ADGRV1: variants seen among roughly 807,000 people sequenced by gnomAD.
ADGRV1 encodes the protein G-protein coupled receptor 98.
ADGRV1 carries 359 observed loss-of-function variants against 596.2 expected under a neutral mutation model. The ratio of observed to expected loss-of-function variants is 0.60; its 90% CI spans 0.55 to 0.66. The LOEUF (loss-of-function observed/expected upper bound fraction) is 0.66, where lower values mean the gene tolerates loss of function less well. Ranked by LOEUF, ADGRV1 falls within the 30% of genes least tolerant of loss-of-function variation. The pLI is 0.00. For missense variants in ADGRV1, 7,274 were observed against 7,575.6 expected, an observed-to-expected ratio of 0.96 and a Z score of 1.48; for synonymous variants, 2,681 against 2,679.2, an observed-to-expected ratio of 1.00 and a Z score of -0.02.
rs149538387 is a variant in ADGRV1 at position 90,936,343 on chromosome 5, ATATC to A, written c.17857-29064_17857-29061del. Among the ~76,000 whole-genome samples the A allele has an allele frequency of 5.8e-4, 88 of 152,256 alleles. 1 individual carries two copies. The East Asian group carries it at 6.7e-3, about 12-fold the overall frequency. On this transcript the variant is annotated intron_variant, in intron 83 of 89. Coordinates refer to ENST00000405460, the MANE Select transcript of ADGRV1 (RefSeq NM_032119.4). Reference sequence around the variant, plus strand: ...ACACATTCTAGCTGTATCTAAAAATATATCTATCTATTACTTTCAAATTTGTAAA... The same window carrying A: ...ACACATTCTAGCTGTATCTAAAAATATATCTATTACTTTCAAATTTGTAAA...
chr5:91,028,920 A>G (rs758890239), intron 85 of ADGRV1, among the ~76,000 whole-genome samples: 2 of 151,686 alleles, frequency 1.3e-5, no homozygotes, highest in Non-Finnish European at 2.9e-5. Flanking sequence ...TTTATTTTAC[A>G]TGGAGACAGA....
intron 83 of ADGRV1, among the ~76,000 whole-genome samples, chr5:90,874,068 G>T (rs1361861427): frequency 6.6e-6 from 1 of 151,950 alleles, no homozygotes; most frequent in Non-Finnish European, 1.5e-5. Flanking sequence ...AAACTTTTTG[G>T]TGTCTTCCTA....
chr5:90,670,210 T>C (rs1388471077), intron 21 of ADGRV1, among the ~76,000 whole-genome samples: 1 of 152,226 alleles, frequency 6.6e-6, no homozygotes, highest in African/African-American at 2.4e-5. Context: ...CTGTGACTGA[T>C]ACAGGAGGAA....
At chr5:90,878,858 G>A (rs977771378) in intron 83 of ADGRV1, among the ~76,000 whole-genome samples, 2 of 152,140 alleles carry the variant, frequency 1.3e-5, no homozygotes, top group African/African-American at 4.8e-5. Context: ...CCACTTACAG[G>A]TTACAATTTG....
chr5:90,565,166 G>A (rs79256827), intron 1 of ADGRV1, among the ~76,000 whole-genome samples: 3,066 of 152,188 alleles, frequency 0.02, 45 homozygotes, highest in Middle Eastern at 0.031. Context: ...GAACGCGGGA[G>A]ACAGAGGTTG....
chr5:91,067,050 G>C (rs1236141328), intron 85 of ADGRV1, among the ~76,000 whole-genome samples: 3 of 152,166 alleles, frequency 2.0e-5, no homozygotes, highest in Non-Finnish European at 4.4e-5. Flanking sequence ...AAAGGGGATG[G>C]CTTCAGGATT....
At chr5:90,692,862 T>A in intron 32 of ADGRV1, 76 bp downstream of exon 32, 1 of 1,124,790 alleles carries the variant, frequency 8.9e-7, no homozygotes, top group Non-Finnish European at 1.2e-6. Context: ...CTTGCACAGT[T>A]AAATCATTTA....
At chr5:91,030,428 T>C (rs1370060081) in intron 85 of ADGRV1, among the ~76,000 whole-genome samples, 3 of 152,116 alleles carry the variant, frequency 2.0e-5, no homozygotes, top group Non-Finnish European at 4.4e-5. Context: ...TGGAGTTCTT[T>C]GTGTGTAAAG....
rs761757312 is a variant in ADGRV1, at chr5:90,646,047, C to T, written c.2978C>T (p.Ala993Val). The T allele has an allele frequency of 6.2e-7, 1 of 1,602,128 alleles. No homozygotes were observed. Among genetic ancestry groups the T allele is most frequent in the Non-Finnish European group, 8.5e-7 (1 of 1,173,484 alleles). ...GCTAAAGTGGGAAATAGAACAACTG[C>T]AACTCTGAGGATTAGAAGAAATGAT... ...GGAKVGNRTT[A>V]TLRIRRNDDP... Residue 993 changes from alanine to valine, a missense_variant, in exon 16 of 90, where the codon GCA (alanine) becomes GTA (valine). Ala to Val is a moderately conservative substitution (Grantham distance 64). Transcript: ENST00000405460.
At chr5:90,915,422 A>G (rs2150711542) in intron 83 of ADGRV1, among the ~76,000 whole-genome samples, 2 of 152,294 alleles carry the variant, frequency 1.3e-5, no homozygotes, top group East Asian at 3.9e-4. Context: ...CTTTAGTATT[A>G]CTTATTAATC....
Position 91,053,840 on chromosome 5 carries a change from G to A in ADGRV1, c.18153-18607G>A, listed in dbSNP as rs370734911. ...ATACCAAACTCTGATCTCCAGCTCA[G>A]GAAGCATGTCTTATTCATCACTGTA... On this transcript the variant is annotated intron_variant, in intron 85 of 89. Transcript: ENST00000405460. Among the ~76,000 whole-genome samples the A allele has an allele frequency of 4.6e-5, 7 of 152,252 alleles. 2 individuals are homozygous for A. The South Asian group carries it at 1.5e-3, about 32-fold the overall frequency.
intron 83 of ADGRV1, among the ~76,000 whole-genome samples, chr5:90,879,474 T>C (rs1769546357): frequency 6.6e-6 from 1 of 152,210 alleles, no homozygotes; most frequent in Non-Finnish European, 1.5e-5. Flanking sequence ...TTTTTAACTT[T>C]TAAAATTTGT....
chr5:91,131,473 T>C (rs559336567), intron 87 of ADGRV1, among the ~76,000 whole-genome samples: 1 of 151,436 alleles, frequency 6.6e-6, no homozygotes, highest in East Asian at 1.9e-4. Context: ...TGTTTTGAGA[T>C]GGAGTCTCAC....
chr5:90,979,684 C>A (rs1013911312), intron 84 of ADGRV1, among the ~76,000 whole-genome samples: 2 of 152,072 alleles, frequency 1.3e-5, no homozygotes, highest in Non-Finnish European at 2.9e-5. Flanking sequence ...TACATCCATG[C>A]CATTAGTGTT....
At chr5:90,678,980 C>T (rs1180154327) in intron 25 of ADGRV1, among the ~76,000 whole-genome samples, 3 of 152,264 alleles carry the variant, frequency 2.0e-5, no homozygotes, top group Admixed American at 2.0e-4. Context: ...CAGCTGGCAT[C>T]TTTCACAACC....
intron 85 of ADGRV1, among the ~76,000 whole-genome samples, chr5:91,015,805 G>T (rs187212754): frequency 6.6e-6 from 1 of 151,808 alleles, no homozygotes; most frequent in Admixed American, 6.6e-5. Context: ...GTACAATTGG[G>T]GCTTGCTTTT....
At chr5:91,114,983 G>A (rs186259332) in intron 87 of ADGRV1, among the ~76,000 whole-genome samples, 5 of 152,202 alleles carry the variant, frequency 3.3e-5, no homozygotes, top group Admixed American at 6.5e-5. Context: ...CAGCTTCTAG[G>A]CATCTCACTG....
chr5:90,693,797 A>T (rs1448681722), intron 32 of ADGRV1, 93 bp from the exon 33 acceptor site: 3 of 948,004 alleles, frequency 3.2e-6, no homozygotes, highest in East Asian at 5.3e-5. Context: ...ACATTTTTTT[A>T]AAAAACTAAA....
chr5:90,688,776 T>G (rs1298874248), intron 29 of ADGRV1, among the ~76,000 whole-genome samples: 1 of 152,136 alleles, frequency 6.6e-6, no homozygotes, highest in Non-Finnish European at 1.5e-5. Context: ...CTGAGTGTAC[T>G]CCTCATTTTT....
Sources: gnomAD v4.1 joint callset for allele counts (sites outside exome capture counted in the v4.1 genomes callset) on GRCh38, gnomAD v4.1.1 for gene constraint, MANE v1.5 for transcripts, NCBI Gene and HGNC (gene_info 2026-07-23, HGNC 2026-07-21) for gene names.